The following GRXCR1 variants were observed in gnomAD, a reference collection of about 807,000 sequenced individuals.
GRXCR1 encodes the protein glutaredoxin and cysteine rich domain containing 1, also known as glutaredoxin domain-containing cysteine-rich protein 1.
In GRXCR1, 27 loss-of-function variants were observed where a neutral mutation model predicts 27.3. That is an observed-to-expected ratio of 0.99 (90% CI 0.73 to 1.37). The LOEUF is 1.37. Ranked by LOEUF, GRXCR1 falls within the 40% of genes most tolerant of loss-of-function variation. GRXCR1 has a pLI of 0.00. For synonymous variants in GRXCR1, 122 were observed against 131.1 expected (o/e 0.93, Z 0.47); for missense variants, 379 against 354.4 (o/e 1.07, Z -0.56).
Position 43,030,457 on chromosome 4 carries a change from T to G in GRXCR1, c.790T>G (p.Cys264Gly). 2 of 1,614,088 alleles carry G rather than the reference T, an allele frequency of 1.2e-6. No individual in the cohort carries two copies. The highest frequency in any genetic ancestry group is 1.7e-6 in the Non-Finnish European group (2 of 1,179,978). ...HGSKMSMFRNCFTDSFKALKC... is the reference protein window; with the variant it reads ...HGSKMSMFRNGFTDSFKALKC... Reference sequence around the variant, plus strand: ...GAGCAAGATGTCCATGTTTCGAAACTGCTTCACAGACTCTTTCAAAGCCCT... The same window carrying G: ...GAGCAAGATGTCCATGTTTCGAAACGGCTTCACAGACTCTTTCAAAGCCCT... The change falls in exon 4 of 4, where the codon TGC becomes GGC. Residue 264 changes from cysteine to glycine, a missense_variant. Physicochemically the swap from Cys to Gly is radical, Grantham distance 159. Coordinates refer to ENST00000399770, the MANE Select transcript of GRXCR1 (RefSeq NM_001080476.3).
intron 2 of GRXCR1, among the ~76,000 whole-genome samples, chr4:43,002,059 G>A (rs1181928086): frequency 2.0e-5 from 3 of 152,166 alleles, no homozygotes; most frequent in Non-Finnish European, 2.9e-5. Context: ...CCATAGGGCG[G>A]TTTTTCTCCT....
intron 2 of GRXCR1, among the ~76,000 whole-genome samples, chr4:42,974,648 G>A (rs796838890): frequency 1.1e-4 from 16 of 152,172 alleles, no homozygotes; most frequent in African/African-American, 2.6e-4. Context: ...ATCCTGAAGC[G>A]AGAGCTAAGA....
intron 3 of GRXCR1, among the ~76,000 whole-genome samples, chr4:43,030,109 A>T (rs949725699): frequency 6.6e-6 from 1 of 152,220 alleles, no homozygotes; most frequent in African/African-American, 2.4e-5. Flanking sequence ...GTGCCCTTCA[A>T]CCTAAAATTT....
rs77658469 is a variant in GRXCR1, at chr4:42,961,633, G to A, written c.385-1259G>A. 1.9e-3 allele frequency among the ~76,000 whole-genome samples: 291 copies of A among 152,028 alleles called. 2 individuals are homozygous for A. The highest frequency in any genetic ancestry group is 6.4e-3 in the African/African-American group (265 of 41,494). On this transcript the variant is annotated intron_variant, in intron 1 of 3. Coordinates refer to ENST00000399770, the MANE Select transcript of GRXCR1 (RefSeq NM_001080476.3). Reference sequence around the variant, plus strand: ...CAACTTAATTCCTCCAGGCCTCTGGGTTTTCAACTTAACCTCTACACTCTA... The same window carrying A: ...CAACTTAATTCCTCCAGGCCTCTGGATTTTCAACTTAACCTCTACACTCTA...
intron 2 of GRXCR1, among the ~76,000 whole-genome samples, chr4:42,966,854 T>C (rs947989887): frequency 1.3e-5 from 2 of 152,260 alleles, no homozygotes; most frequent in African/African-American, 2.4e-5. Context: ...TGGTTAGGTG[T>C]CTGTTAAGGT....
intron 1 of GRXCR1, among the ~76,000 whole-genome samples, chr4:42,909,997 G>A (rs1227039034): frequency 6.6e-6 from 1 of 152,098 alleles, no homozygotes; most frequent in African/African-American, 2.4e-5. Flanking sequence ...AATTTACAAA[G>A]GAAAGAGGTT....
intron 1 of GRXCR1, among the ~76,000 whole-genome samples, chr4:42,904,533 T>A (rs1420414337): frequency 6.6e-6 from 1 of 152,188 alleles, no homozygotes; most frequent in Non-Finnish European, 1.5e-5. Context: ...CAGTCTAACT[T>A]TTCCTAGTTG....
intron 3 of GRXCR1, among the ~76,000 whole-genome samples, chr4:43,022,455 C>T (rs1332183446): frequency 6.6e-6 from 1 of 152,198 alleles, no homozygotes; most frequent in Non-Finnish European, 1.5e-5. Flanking sequence ...ATGTTTTTCT[C>T]TTCATTAAGT....
At chr4:42,980,443 AT>A (rs1356432927) in intron 2 of GRXCR1, among the ~76,000 whole-genome samples, 1 of 151,336 alleles carries the variant, frequency 6.6e-6, no homozygotes, top group African/African-American at 2.4e-5. Context: ...GTTTTTGTAA[AT>A]TTTTTGAAGT....
intron 1 of GRXCR1, among the ~76,000 whole-genome samples, chr4:42,900,462 T>C (rs1185711524): frequency 6.6e-6 from 1 of 152,218 alleles, no homozygotes; most frequent in Non-Finnish European, 1.5e-5. Flanking sequence ...TCCCTTTTTT[T>C]GATTCTTAAA....
intron 2 of GRXCR1, among the ~76,000 whole-genome samples, chr4:43,002,723 T>C (rs1712414705): frequency 6.6e-6 from 1 of 151,424 alleles, no homozygotes; most frequent in Non-Finnish European, 1.5e-5. Flanking sequence ...GCTTTTTCCT[T>C]CTTCCTGTAC....
intron 2 of GRXCR1, among the ~76,000 whole-genome samples, chr4:42,981,952 A>G (rs1471574836): frequency 6.6e-6 from 1 of 151,528 alleles, no homozygotes; most frequent in Non-Finnish European, 1.5e-5. Flanking sequence ...CAGATATTTG[A>G]CCTCCCTGTG....
intron 3 of GRXCR1, among the ~76,000 whole-genome samples, chr4:43,024,288 C>A (rs4611963): frequency 2.2e-4 from 33 of 148,924 alleles, no homozygotes; most frequent in Middle Eastern, 7.0e-3. Flanking sequence ...CATGAAGAAC[C>A]GAGCAAAGAT....
chr4:42,996,376 A>G (rs1308599021), intron 2 of GRXCR1, among the ~76,000 whole-genome samples: 1 of 152,182 alleles, frequency 6.6e-6, no homozygotes, highest in East Asian at 1.9e-4. Flanking sequence ...ACAGGGAACA[A>G]AGCAAAGACA....
In GRXCR1 at chr4:43,030,356, T is replaced by A. The variant is rs765023300; in HGVS notation, c.694-5T>A. On this transcript the variant is annotated splice_region_variant and splice_polypyrimidine_tract_variant and intron_variant, in intron 3 of 3. Transcript: ENST00000399770. Reference sequence around the variant, plus strand: ...TTTCTCTTGTTCCCCTGCCACCTTATACAGAGAGTACAGCATCCACATGAG... The same window carrying A: ...TTTCTCTTGTTCCCCTGCCACCTTAAACAGAGAGTACAGCATCCACATGAG... 1.9e-6 allele frequency: 3 copies of A among 1,613,286 alleles called. No homozygotes were observed. The highest frequency in any genetic ancestry group is 2.5e-6 in the Non-Finnish European group (3 of 1,179,814).
At chr4:42,962,025 G>A (rs1748139759) in intron 1 of GRXCR1, among the ~76,000 whole-genome samples, 1 of 151,968 alleles carries the variant, frequency 6.6e-6, no homozygotes, top group East Asian at 1.9e-4. Flanking sequence ...ACTGTGATAA[G>A]GAAGAAGAGA....
chr4:42,910,706 G>T (rs759078903), intron 1 of GRXCR1, among the ~76,000 whole-genome samples: 2 of 152,126 alleles, frequency 1.3e-5, no homozygotes, highest in Non-Finnish European at 2.9e-5. Flanking sequence ...CATATAAGCT[G>T]TCCTTGATTT....
chr4:42,942,252 G>T (rs1442219072), intron 1 of GRXCR1, among the ~76,000 whole-genome samples: 1 of 151,966 alleles, frequency 6.6e-6, no homozygotes, highest in East Asian at 1.9e-4. Context: ...TATATACCGA[G>T]AAAAGGTGGG....
At chr4:42,948,925 C>A (rs1489035334) in intron 1 of GRXCR1, among the ~76,000 whole-genome samples, 1 of 152,130 alleles carries the variant, frequency 6.6e-6, no homozygotes, top group East Asian at 1.9e-4. Flanking sequence ...TGATTTCTGT[C>A]CATTGAAACC....
Sources: allele counts gnomAD v4.1 joint callset (sites outside exome capture counted in the v4.1 genomes callset), GRCh38; gene constraint gnomAD v4.1.1; transcripts MANE v1.5; gene names NCBI Gene and HGNC (gene_info 2026-07-23, HGNC 2026-07-21).